SYNDIG1: variants seen among roughly 807,000 people sequenced by gnomAD.
SYNDIG1 encodes synapse differentiation-inducing gene protein 1.
A neutral mutation model predicts 19.4 loss-of-function variants in SYNDIG1; 9 were observed. That is an observed-to-expected ratio of 0.46 (90% CI 0.28 to 0.81). SYNDIG1 has a LOEUF of 0.81. Among genes scored for constraint, SYNDIG1 ranks in the 30% least tolerant of loss-of-function variants. The pLI is 0.12. For missense variants in SYNDIG1, 311 were observed against 343.3 expected (o/e 0.91, Z 0.74); for synonymous variants, 141 against 145.9 (o/e 0.97, Z 0.24).
intron 2 of SYNDIG1, among the ~76,000 whole-genome samples, chr20:24,563,073 G>T (rs556254437): frequency 6.6e-6 from 1 of 152,142 alleles, no homozygotes; most frequent in South Asian, 2.1e-4. Flanking sequence ...TTGACTGAAG[G>T]CCCTCTTGTC....
At chr20:24,582,476 C>T (rs1568660357) in intron 2 of SYNDIG1, among the ~76,000 whole-genome samples, 1 of 143,678 alleles carries the variant, frequency 7.0e-6, no homozygotes, top group South Asian at 2.3e-4. Flanking sequence ...GTGCTTCCCC[C>T]TGCATGTCCT....
At chr20:24,641,900 C>A (rs1366689508) in intron 3 of SYNDIG1, among the ~76,000 whole-genome samples, 1 of 152,132 alleles carries the variant, frequency 6.6e-6, no homozygotes, top group Non-Finnish European at 1.5e-5. Context: ...CCCATGTATC[C>A]CTTAACTGGT....
chr20:24,564,056 C>T (rs964162232), intron 2 of SYNDIG1, among the ~76,000 whole-genome samples: 1 of 152,130 alleles, frequency 6.6e-6, no homozygotes, highest in African/African-American at 2.4e-5. Context: ...GTGGCCAAAC[C>T]CCTAGCATTT....
intron 2 of SYNDIG1, among the ~76,000 whole-genome samples, chr20:24,558,330 T>C (rs1163962968): frequency 1.3e-5 from 2 of 152,248 alleles, no homozygotes; most frequent in Non-Finnish European, 2.9e-5. Flanking sequence ...ATATTTTCTG[T>C]CTTAAAGTCT....
chr20:24,498,914 T>G (rs1228676346), intron 1 of SYNDIG1, among the ~76,000 whole-genome samples: 1 of 152,174 alleles, frequency 6.6e-6, no homozygotes, highest in Non-Finnish European at 1.5e-5. Context: ...AGAAGCAGGA[T>G]TGCCAGGTCA....
intron 3 of SYNDIG1, among the ~76,000 whole-genome samples, chr20:24,596,542 C>A (rs6049803): frequency 0.14 from 20,710 of 151,932 alleles, 1,596 homozygotes; most frequent in African/African-American, 0.2. Flanking sequence ...TCATGCCTTG[C>A]TAATGTTTGT....
rs887931609 is a variant in SYNDIG1, at chr20:24,658,438, G to A, written c.619-6908G>A. Among the ~76,000 whole-genome samples, 3 of 152,056 alleles carry A rather than the reference G, an allele frequency of 2.0e-5. No individual in the cohort carries two copies. The highest frequency in any genetic ancestry group is 7.2e-5 in the African/African-American group (3 of 41,394). ...AGATTCCACACAGGAGCTGCAGGCC[G>A]TGGACCCCTGAAGTGGACAGGCGCT... On this transcript the variant is annotated intron_variant, in intron 3 of 3. Coordinates refer to ENST00000376862, the MANE Select transcript of SYNDIG1 (RefSeq NM_024893.3). This position sits in a 1 kb window ranked among gnomAD's most constrained non-coding sequence, Gnocchi z 4.4.
intron 3 of SYNDIG1, 63 bp downstream of exon 3, chr20:24,585,056 G>GGGGCCGCCCC: frequency 1.8e-6 from 1 of 545,664 alleles, no homozygotes; most frequent in Non-Finnish European, 3.4e-6. Context: ...GGTGGGGGCG[G>GGGGCCGCCCC]CAATCCCAGC....
At chr20:24,497,681 T>A (rs1300316834) in intron 1 of SYNDIG1, among the ~76,000 whole-genome samples, 1 of 152,182 alleles carries the variant, frequency 6.6e-6, no homozygotes, top group Non-Finnish European at 1.5e-5. Flanking sequence ...CTGGGGTCTC[T>A]GCCCAAAGTT....
intron 2 of SYNDIG1, among the ~76,000 whole-genome samples, chr20:24,566,957 G>A (rs1316296721): frequency 2.0e-5 from 3 of 152,312 alleles, no homozygotes; most frequent in Admixed American, 6.5e-5. Context: ...GAGGAGGCAC[G>A]AGACTGACCT....
At chr20:24,470,550 T>C (rs1416189768) in intron 1 of SYNDIG1, among the ~76,000 whole-genome samples, 1 of 151,916 alleles carries the variant, frequency 6.6e-6, no homozygotes, top group Non-Finnish European at 1.5e-5. Flanking sequence ...TTCCTAGTCG[T>C]GATTTCTGCC....
At chr20:24,539,352 T>A (rs1010049682) in intron 1 of SYNDIG1, among the ~76,000 whole-genome samples, 8 of 152,216 alleles carry the variant, frequency 5.3e-5, no homozygotes, top group Admixed American at 1.3e-4. Context: ...TGAAAAAAAA[T>A]GTCCTTTCCC....
At chr20:24,583,068 C>T (rs1805163548) in intron 2 of SYNDIG1, among the ~76,000 whole-genome samples, 1 of 152,210 alleles carries the variant, frequency 6.6e-6, no homozygotes, top group African/African-American at 2.4e-5. Flanking sequence ...ACCAGGGAGC[C>T]TCAGGTCTCA....
chr20:24,551,700 G>C (rs1411895335), intron 2 of SYNDIG1, among the ~76,000 whole-genome samples: 3 of 151,946 alleles, frequency 2.0e-5, no homozygotes, highest in African/African-American at 7.3e-5. Flanking sequence ...TTTTTATATA[G>C]TTGAAAATAC....
chr20:24,586,808 C>A (rs1325590722), intron 3 of SYNDIG1, among the ~76,000 whole-genome samples: 1 of 152,176 alleles, frequency 6.6e-6, no homozygotes, highest in Non-Finnish European at 1.5e-5. Flanking sequence ...AGGCTGCCTA[C>A]GTGGCCAAAG....
intron 2 of SYNDIG1, among the ~76,000 whole-genome samples, chr20:24,567,230 T>C: frequency 6.6e-6 from 1 of 151,832 alleles, no homozygotes; most frequent in East Asian, 1.9e-4. Flanking sequence ...CCTGCTGGAG[T>C]GCTTCCCCCT....
At chr20:24,524,606 A>G (rs1231976208) in intron 1 of SYNDIG1, among the ~76,000 whole-genome samples, 3 of 151,904 alleles carry the variant, frequency 2.0e-5, no homozygotes, top group Non-Finnish European at 2.9e-5. Flanking sequence ...AGATCGCGCC[A>G]CTGCACTCCA....
chr20:24,514,412 G>A (rs2056817486), intron 1 of SYNDIG1, among the ~76,000 whole-genome samples: 1 of 152,084 alleles, frequency 6.6e-6, no homozygotes, highest in Non-Finnish European at 1.5e-5. Context: ...TAGGCTCAAA[G>A]TAAAGGGATG....
intron 1 of SYNDIG1, among the ~76,000 whole-genome samples, chr20:24,535,639 A>C (rs568286629): frequency 1.3e-5 from 2 of 152,170 alleles, no homozygotes; most frequent in Non-Finnish European, 2.9e-5. Context: ...AAAAAGGGTG[A>C]AGATTGCACA....
Sources: gnomAD v4.1 joint callset for allele counts (sites outside exome capture counted in the v4.1 genomes callset) on GRCh38, gnomAD v4.1.1 for gene constraint, Gnocchi (gnomAD v3.1) non-coding constraint, MANE v1.5 for transcripts, NCBI Gene and HGNC (gene_info 2026-07-23, HGNC 2026-07-21) for gene names.